TANC2: variants seen among roughly 807,000 people sequenced by gnomAD.
The protein encoded by TANC2 is tetratricopeptide repeat, ankyrin repeat and coiled-coil containing 2.
A neutral mutation model predicts 210.5 loss-of-function variants in TANC2; 26 were observed. The observed-to-expected ratio is 0.12, with a 90% CI of 0.09 to 0.17. TANC2 has a LOEUF of 0.17. TANC2 is among the 10% of genes least tolerant of loss of function. The pLI is 1.00. For missense variants in TANC2, 2,129 were observed against 2,608.9 expected (o/e 0.82, Z 4.01); for synonymous variants, 931 against 967.1 (o/e 0.96, Z 0.69).
At chr17:63,200,827 C>G in exon 7 of TANC2, 1 of 1,613,806 alleles carries the variant, frequency 6.2e-7, no homozygotes, top group South Asian at 1.1e-5. Context: ...GCAGCACTGC[C>G]TCTCCACCAG....
intron 1 of TANC2, among the ~76,000 whole-genome samples, chr17:62,973,866 A>C (rs2031849723): frequency 6.6e-6 from 1 of 152,242 alleles, no homozygotes; most frequent in African/African-American, 2.4e-5. Context: ...ATGACATATG[A>C]AAATTAAAGG....
chr17:63,317,182 T>C (rs1316549982), intron 10 of TANC2, among the ~76,000 whole-genome samples: 3 of 152,122 alleles, frequency 2.0e-5, no homozygotes, highest in Non-Finnish European at 4.4e-5. Flanking sequence ...CTGTCTTCTT[T>C]CTGTTTGGTG....
intron 1 of TANC2, among the ~76,000 whole-genome samples, chr17:62,987,503 G>A (rs1017724384): frequency 6.6e-6 from 1 of 152,200 alleles, no homozygotes; most frequent in Non-Finnish European, 1.5e-5. Context: ...CAGGGCTTGT[G>A]AGGACTATAG....
intron 1 of TANC2, among the ~76,000 whole-genome samples, chr17:62,982,066 T>C (rs2032331624): frequency 6.8e-6 from 1 of 146,046 alleles, no homozygotes; most frequent in Admixed American, 6.9e-5. Context: ...CTGATGGAAG[T>C]AAGTCTTCAT....
chr17:63,177,348 TAGAA>T (rs962084416), intron 5 of TANC2, among the ~76,000 whole-genome samples: 26 of 151,878 alleles, frequency 1.7e-4, no homozygotes, highest in African/African-American at 4.3e-4. Flanking sequence ...ATTATAGTTT[TAGAA>T]AGAGAAGATC....
At chr17:63,220,589 A>G (rs1240998587) in intron 7 of TANC2, among the ~76,000 whole-genome samples, 1 of 151,086 alleles carries the variant, frequency 6.6e-6, no homozygotes, top group Non-Finnish European at 1.5e-5. Flanking sequence ...CTCTAGTCCC[A>G]GCTACCTGGG....
intron 5 of TANC2, among the ~76,000 whole-genome samples, chr17:63,167,899 A>G (rs540718866): frequency 3.5e-4 from 53 of 151,212 alleles, no homozygotes; most frequent in Admixed American, 7.9e-4. Context: ...AAAAAAAAAA[A>G]AAAAAAAAAA....
intron 5 of TANC2, among the ~76,000 whole-genome samples, chr17:63,190,493 T>G (rs1376035105): frequency 6.6e-6 from 1 of 152,232 alleles, no homozygotes; most frequent in Admixed American, 6.5e-5. Flanking sequence ...GTCTTCCAAC[T>G]CTGTTCTTCT....
At chr17:63,131,693 C>G (rs2145224020) in intron 4 of TANC2, among the ~76,000 whole-genome samples, 1 of 152,270 alleles carries the variant, frequency 6.6e-6, no homozygotes, top group South Asian at 2.1e-4. Context: ...ATTTAAAGGA[C>G]TTGTTAAAAC....
chr17:63,361,733 G>A (rs1195151873), intron 14 of TANC2, among the ~76,000 whole-genome samples: 4 of 152,190 alleles, frequency 2.6e-5, no homozygotes, highest in East Asian at 3.8e-4. Flanking sequence ...TTTCAGTCCC[G>A]CCATTCAGCA....
chr17:63,224,103 T>C (rs961302087), intron 7 of TANC2, among the ~76,000 whole-genome samples: 1 of 152,170 alleles, frequency 6.6e-6, no homozygotes, highest in Non-Finnish European at 1.5e-5. Context: ...TTTTCCACTA[T>C]GCCTGATGTT....
intron 9 of TANC2, among the ~76,000 whole-genome samples, chr17:63,281,990 A>G (rs1433763921): frequency 2.0e-5 from 3 of 152,106 alleles, no homozygotes; most frequent in African/African-American, 7.2e-5. Context: ...TCTAGCCTCC[A>G]GAACTGTGAG....
chr17:63,063,614 A>G (rs1202707207), intron 2 of TANC2, among the ~76,000 whole-genome samples: 2 of 128,792 alleles, frequency 1.6e-5, no homozygotes, highest in Non-Finnish European at 3.2e-5. Flanking sequence ...GTTACCCAGT[A>G]TTGTGTGTGT....
At chr17:63,257,086 T>TTG (rs910918356) in intron 8 of TANC2, among the ~76,000 whole-genome samples, 2 of 151,568 alleles carry the variant, frequency 1.3e-5, no homozygotes, top group African/African-American at 4.8e-5. Context: ...TTTTTTTTTT[T>TTG]TTTTGGTCCA....
intron 2 of TANC2, among the ~76,000 whole-genome samples, chr17:63,051,333 T>C (rs544620830): frequency 6.6e-6 from 1 of 152,348 alleles, no homozygotes; most frequent in South Asian, 2.1e-4. Context: ...TAAAATCTGG[T>C]ACTGTTCCTG....
intron 7 of TANC2, among the ~76,000 whole-genome samples, chr17:63,234,970 G>A (rs570868564): frequency 6.4e-4 from 98 of 152,168 alleles, no homozygotes; most frequent in African/African-American, 2.2e-3. Context: ...TGATAAGTAT[G>A]AATTTATTAT....
chr17:63,282,238 G>T lies in TANC2; in HGVS notation c.1159+14365G>T, dbSNP rs147642596. ...AATAAAATTTATGAATCTTAATATT[G>T]CTTAAGAAAAATGGGAGAAAACACA... On this transcript the variant is annotated intron_variant, in intron 9 of 27. Coordinates refer to ENST00000689528, the Ensembl canonical transcript of TANC2. 6.4e-4 allele frequency among the ~76,000 whole-genome samples: 97 copies of T among 152,008 alleles called. 1 individual carries two copies. The highest frequency in any genetic ancestry group is 5.9e-3 in the Admixed American group (90 of 15,262).
chr17:62,990,564 G>T (rs2032808878), intron 1 of TANC2, among the ~76,000 whole-genome samples: 1 of 152,120 alleles, frequency 6.6e-6, no homozygotes. Flanking sequence ...AATTACAGGT[G>T]TGAGTCACTG....
chr17:63,287,925 C>T lies in TANC2; in HGVS notation c.1159+20052C>T, dbSNP rs185882614. Among the ~76,000 whole-genome samples, 17 of 152,268 alleles carry T rather than the reference C, an allele frequency of 1.1e-4. No homozygotes were observed. The East Asian group carries it at 2.9e-3, about 26-fold the overall frequency. The stretch of plus-strand genomic sequence containing the variant: ...CTCCTGACCTCAGGTGATCTGCCTG[C>T]CTCGGCTCCCCAAAGTGCTGGGATT... On this transcript the variant is annotated intron_variant, in intron 9 of 27. Coordinates refer to ENST00000689528, the Ensembl canonical transcript of TANC2.
Sources: allele counts gnomAD v4.1 joint callset (sites outside exome capture counted in the v4.1 genomes callset), GRCh38; gene constraint gnomAD v4.1.1; transcripts MANE v1.5; gene names NCBI Gene and HGNC (gene_info 2026-07-23, HGNC 2026-07-21).